PLA2G6: variants seen among roughly 807,000 people sequenced by gnomAD.
PLA2G6 encodes the protein 85/88 kDa calcium-independent phospholipase A2.
PLA2G6 carries 62 observed loss-of-function variants against 83.8 expected under a neutral mutation model. That is an observed-to-expected ratio of 0.74 (90% CI 0.60 to 0.91). The LOEUF is 0.91. Ranked by LOEUF, PLA2G6 falls within the 40% of genes least tolerant of loss-of-function variation. The pLI is 0.00. For missense variants in PLA2G6, 944 were observed against 1,102.0 expected, an observed-to-expected ratio of 0.86 and a Z score of 2.03; for synonymous variants, 417 against 449.8, an observed-to-expected ratio of 0.93 and a Z score of 0.92.
At chr22:38,139,818 T>G in intron 5 of PLA2G6, 164 bp downstream of exon 5, 1 of 623,614 alleles carries the variant, frequency 1.6e-6, no homozygotes, top group East Asian at 2.8e-5. Flanking sequence ...GAGCACCTTC[T>G]TTGGGCCAGG....
rs184128519 is a variant in PLA2G6 at position 38,169,468 on chromosome 22, C to T, written c.-42G>A. On this transcript the variant is annotated 5_prime_UTR_variant, in exon 2 of 17. Transcript: ENST00000332509. Reference sequence around the variant, plus strand: ...GGGGAGGCCCCACCGTCTTCCCCCTCTGTCTGGAAGAAAACGAGGTCTCTG... The same window carrying T: ...GGGGAGGCCCCACCGTCTTCCCCCTTTGTCTGGAAGAAAACGAGGTCTCTG... The T allele has an allele frequency of 6.4e-7, 1 of 1,564,790 alleles. No homozygotes were observed. The highest frequency in any genetic ancestry group is 2.3e-5 in the East Asian group (1 of 44,436).
intron 1 of PLA2G6, among the ~76,000 whole-genome samples, chr22:38,170,078 G>A (rs1268915943): frequency 1.3e-5 from 2 of 151,806 alleles, no homozygotes; most frequent in East Asian, 3.9e-4. Context: ...GGCGCCTGTA[G>A]TCCCAGCTGC....
At chr22:38,179,069 G>C (rs1480016623) in intron 1 of PLA2G6, among the ~76,000 whole-genome samples, 1 of 152,212 alleles carries the variant, frequency 6.6e-6, no homozygotes, top group African/African-American at 2.4e-5. Context: ...TTTTAGATTG[G>C]GTGAGGAGAG....
At position 38,123,113 on chromosome 22, in the gene PLA2G6, C is replaced by A. The variant is rs587784334; in HGVS notation, c.1573G>T (p.Ala525Ser). The A allele has an allele frequency of 3.2e-6, 5 of 1,549,418 alleles. No individual in the cohort carries two copies. The East Asian group carries it at 9.8e-5, about 30-fold the overall frequency. Residue 525 changes from alanine (A) to serine (S), a missense_variant, in exon 11 of 17, where the codon GCC (alanine) becomes TCC (serine). Physicochemically the swap from Ala to Ser is moderately conservative, Grantham distance 99. Transcript: ENST00000332509. The surrounding 1 kb of genome is among the most constrained non-coding windows in gnomAD (Gnocchi z 4.1). The stretch of plus-strand genomic sequence containing the variant: ...CCCTCACTGTGCAGAATGGCCAGGG[C>A]CAGGATGCCTCCAGTGCTGGTGCCC... Reference protein sequence around the residue: ...VAGTSTGGILALAILHSKSMA... With the variant: ...VAGTSTGGILSLAILHSKSMA...
At chr22:38,153,516 A>C (rs1365083049) in intron 2 of PLA2G6, among the ~76,000 whole-genome samples, 1 of 151,910 alleles carries the variant, frequency 6.6e-6, no homozygotes, top group Non-Finnish European at 1.5e-5. Flanking sequence ...GGCACCTGTA[A>C]TCCCAGCTAC....
At position 38,140,088 on chromosome 22, in the gene PLA2G6, C is replaced by G; in HGVS notation, c.691G>C (p.Gly231Arg). The G allele has an allele frequency of 1.2e-6, 2 of 1,614,128 alleles. No individual in the cohort carries two copies. The highest frequency in any genetic ancestry group is 1.7e-6 in the Non-Finnish European group (2 of 1,180,012). ...AGCACGCGGACCATCTCCTGCTTCC[C>G]CAGCTGGCAGGCCAGGTGCAGCGGG... The part of the protein sequence containing the change: ...LTPLHLACQL[G>R]KQEMVRVLLL... The change falls in exon 5 of 17, where the codon GGG becomes CGG. Residue 231 changes from glycine to arginine, a missense_variant. Physicochemically the swap from Gly to Arg is moderately radical, Grantham distance 125. Coordinates refer to ENST00000332509, the MANE Select transcript of PLA2G6 (RefSeq NM_003560.4).
intron 10 of PLA2G6, chr22:38,125,688 G>C (rs1027305797): frequency 5.1e-5 from 24 of 470,656 alleles, no homozygotes; most frequent in African/African-American, 4.6e-4. Flanking sequence ...CTCAGGTTCT[G>C]CATCTGTAAA....
intron 2 of PLA2G6, 97 bp downstream of exon 2, chr22:38,169,119 CAG>C: frequency 1.1e-6 from 1 of 941,156 alleles, no homozygotes; most frequent in Non-Finnish European, 1.7e-6. Context: ...ACCCCTCAGA[CAG>C]AGACTCAAAG....
intron 4 of PLA2G6, 111 bp downstream of exon 4, chr22:38,142,994 A>C: frequency 1.0e-6 from 1 of 994,856 alleles, no homozygotes; most frequent in East Asian, 2.4e-5. Context: ...CTCAAGGACC[A>C]ATGGGGGACA....
chr22:38,112,988 C>T, intron 15 of PLA2G6: 2 of 354,752 alleles, frequency 5.6e-6, no homozygotes, highest in Admixed American at 8.5e-5. Context: ...CTCACTGCAG[C>T]CTCTGCCTCT....
At chr22:38,125,526 G>C in intron 10 of PLA2G6, 1 of 353,332 alleles carries the variant, frequency 2.8e-6, no homozygotes, top group Non-Finnish European at 5.8e-6. Flanking sequence ...AGCTTTCCCT[G>C]CAGAGGGCTG....
chr22:38,161,257 G>A (rs1361757725), intron 2 of PLA2G6, among the ~76,000 whole-genome samples: 4 of 152,136 alleles, frequency 2.6e-5, no homozygotes, highest in African/African-American at 7.2e-5. Flanking sequence ...AGGCTAGGAA[G>A]TCTATGATCA....
At chr22:38,119,302 G>A (rs968316555) in intron 12 of PLA2G6, among the ~76,000 whole-genome samples, 1 of 152,184 alleles carries the variant, frequency 6.6e-6, no homozygotes, top group Non-Finnish European at 1.5e-5. Flanking sequence ...GCAGAGGGAT[G>A]CTTGACCCAC....
intron 1 of PLA2G6, among the ~76,000 whole-genome samples, chr22:38,171,170 C>G (rs2090425123): frequency 8.9e-6 from 1 of 112,260 alleles, no homozygotes; most frequent in Non-Finnish European, 1.8e-5. Context: ...GAAACTCCGT[C>G]TCAAAAAAAA....
intron 1 of PLA2G6, among the ~76,000 whole-genome samples, chr22:38,170,108 G>A (rs866590512): frequency 2.7e-5 from 4 of 150,654 alleles, no homozygotes; most frequent in Middle Eastern, 3.4e-3. Flanking sequence ...TGAGGCAGGA[G>A]AATCACTTGA....
Position 38,181,329 on chromosome 22 carries a change from GA to G in PLA2G6, c.-46+334del, listed in dbSNP as rs139988818. On this transcript the variant is annotated intron_variant, in intron 1 of 16. Transcript: ENST00000332509. ...AGTGAGAAATGAGTAGAGGCACCAC[GA>G]AAGGTGGAGACGGACGTGAAGTGGG... Among the ~76,000 whole-genome samples the G allele has an allele frequency of 2.2e-3, 331 of 152,314 alleles. 4 individuals carry two copies. Among genetic ancestry groups the G allele is most frequent in the African/African-American group, 7.7e-3 (321 of 41,572 alleles).
At position 38,123,226 on chromosome 22, in the gene PLA2G6, C is replaced by A. The variant is rs866165283; in HGVS notation, c.1460G>T (p.Gly487Val). The A allele has an allele frequency of 6.4e-7, 1 of 1,558,202 alleles. No individual in the cohort carries two copies. Among genetic ancestry groups the A allele is most frequent in the Non-Finnish European group, 8.7e-7 (1 of 1,150,712 alleles). Residue 487 changes from glycine to valine, a missense_variant, in exon 11 of 17, where the codon GGA (glycine) becomes GTA (valine). Gly to Val is a moderately radical substitution (Grantham distance 109). Transcript: ENST00000332509. This position sits in a 1 kb window ranked among gnomAD's most constrained non-coding sequence, Gnocchi z 4.1. Reference sequence around the variant, plus strand: ...CTGGATGATGATGAGGCCTTTCACTCCTCCTCCATCCAGGCACAGCAGGTG... The same window carrying A: ...CTGGATGATGATGAGGCCTTTCACTACTCCTCCATCCAGGCACAGCAGGTG... ...HDHLLCLDGG[G>V]VKGLIIIQLL...
intron 11 of PLA2G6, among the ~76,000 whole-genome samples, chr22:38,121,480 G>A (rs11570736): frequency 0.021 from 3,267 of 152,280 alleles, 103 homozygotes; most frequent in African/African-American, 0.075. Context: ...CTAGACCCAC[G>A]TTGTTTGTCA....
At chr22:38,145,339 TTAAGTCAA>T in intron 3 of PLA2G6, 91 bp downstream of exon 3, 1 of 1,042,262 alleles carries the variant, frequency 9.6e-7, no homozygotes, top group Non-Finnish European at 1.5e-6. Flanking sequence ...CTGCTCCTTT[TTAAGTCAA>T]ACTATGGAGG....
Sources: gnomAD v4.1 joint callset for allele counts (sites outside exome capture counted in the v4.1 genomes callset) on GRCh38, gnomAD v4.1.1 for gene constraint, Gnocchi (gnomAD v3.1) non-coding constraint, MANE v1.5 for transcripts, NCBI Gene and HGNC (gene_info 2026-07-23, HGNC 2026-07-21) for gene names.